CCDC88C: variants seen among roughly 807,000 people sequenced by gnomAD.
CCDC88C encodes coiled-coil and HOOK domain protein 88C, also known as protein Daple.
In CCDC88C, 131 loss-of-function variants were observed where a neutral mutation model predicts 198.8. The ratio of observed to expected loss-of-function variants is 0.66; its 90% CI spans 0.57 to 0.76. CCDC88C has a LOEUF of 0.76. Among genes scored for constraint, CCDC88C ranks in the 30% least tolerant of loss-of-function variants. The pLI, the probability that CCDC88C is intolerant of heterozygous loss-of-function variation, is 0.00. For synonymous variants in CCDC88C, 1,166 were observed against 1,114.7 expected, an observed-to-expected ratio of 1.05 and a Z score of -0.92; for missense variants, 2,553 against 2,631.6, an observed-to-expected ratio of 0.97 and a Z score of 0.65.
chr14:91,320,252 C>G (rs1892302901), intron 13 of CCDC88C, among the ~76,000 whole-genome samples: 1 of 152,166 alleles, frequency 6.6e-6, no homozygotes, highest in African/African-American at 2.4e-5. Context: ...TCCCCTACCT[C>G]CAGGGAGGAG....
At position 91,313,387 on chromosome 14, in the gene CCDC88C, T is replaced by A. The variant is rs367893633; in HGVS notation, c.2429A>T (p.Asn810Ile). The change falls in exon 15 of 30, where the codon AAT becomes ATT. Residue 810 changes from asparagine (N) to isoleucine (I), a missense_variant. By Grantham distance (149) the Asn-to-Ile change is moderately radical. This residue lies in a region of CCDC88C where 1,260 missense variants were observed against 1,412.0 expected (regional missense o/e 0.89). Transcript: ENST00000389857. The surrounding 1 kb of genome is among the most constrained non-coding windows in gnomAD (Gnocchi z 5.2). ...CTTCTCGGCCCCCTCCAACTGTGCATTGGCCAGCCGGAGGGCCTCCAGGTC... is the reference window on the plus strand; with the variant it reads ...CTTCTCGGCCCCCTCCAACTGTGCAATGGCCAGCCGGAGGGCCTCCAGGTC... ...RRDLEALRLANAQLEGAEKDR... is the reference protein window; with the variant it reads ...RRDLEALRLAIAQLEGAEKDR... 14 of 1,609,026 alleles carry A rather than the reference T, an allele frequency of 8.7e-6. No individual in the cohort carries two copies. The African/African-American group carries it at 1.1e-4, about 12-fold the overall frequency.
intron 3 of CCDC88C, among the ~76,000 whole-genome samples, chr14:91,400,675 C>T (rs539817552): frequency 3.3e-5 from 5 of 152,188 alleles, no homozygotes; most frequent in Admixed American, 1.3e-4. Flanking sequence ...AGGACCTCAC[C>T]GCCTGGCAGG....
chr14:91,412,752 A>C (rs1886854988), intron 2 of CCDC88C, among the ~76,000 whole-genome samples: 1 of 152,130 alleles, frequency 6.6e-6, no homozygotes, highest in Non-Finnish European at 1.5e-5. Context: ...ATAATTTTTA[A>C]GGACTCAAAG....
chr14:91,308,982 T>A (rs1459021545), intron 16 of CCDC88C, among the ~76,000 whole-genome samples: 2 of 152,204 alleles, frequency 1.3e-5, no homozygotes, highest in Non-Finnish European at 2.9e-5. Flanking sequence ...ATCCCGGCAC[T>A]TTGGGATGCC....
chr14:91,281,481 C>G lies in CCDC88C; in HGVS notation c.4675G>C (p.Glu1559Gln). ...CCGTACTGCCTGTGGTTGGGGACCT[C>G]AAACTCCAGGGATGGCTCACAGAGG... ...DNLCEPSLEF[E>Q]VPNHRQYVSR... The change falls in exon 27 of 30, where the codon GAG (glutamate) becomes CAG (glutamine). Residue 1559 changes from glutamate (E) to glutamine (Q), a missense_variant. Transcript: ENST00000389857. 1 of 1,613,966 alleles carries G rather than the reference C, an allele frequency of 6.2e-7. No homozygotes were observed. Among genetic ancestry groups the G allele is most frequent in the Non-Finnish European group, 8.5e-7 (1 of 1,179,864 alleles).
At chr14:91,363,280 C>CTTTT (rs1006691437) in intron 3 of CCDC88C, among the ~76,000 whole-genome samples, 1 of 145,890 alleles carries the variant, frequency 6.9e-6, no homozygotes. Context: ...TATTATTTTA[C>CTTTT]TTTTTTTTTT....
intron 22 of CCDC88C, among the ~76,000 whole-genome samples, chr14:91,295,358 A>G (rs913753120): frequency 2.6e-5 from 4 of 152,346 alleles, no homozygotes; most frequent in East Asian, 1.9e-4. Flanking sequence ...AACAAATACC[A>G]TAATAAAGCA....
chr14:91,302,040 A>T (rs1891319191), intron 20 of CCDC88C, among the ~76,000 whole-genome samples: 1 of 152,204 alleles, frequency 6.6e-6, no homozygotes, highest in Admixed American at 6.5e-5. Context: ...CCCCTGAAGG[A>T]TGGAGATCTG....
chr14:91,313,793 TCTCCAGCTGCAGGCCCTGGCTCTCATG>T lies in CCDC88C; in HGVS notation c.1996_2022del (p.His666_Glu674del). 1 of 1,605,602 alleles carries T rather than the reference TCTCCAGCTGCAGGCCCTGGCTCTCATG, an allele frequency of 6.2e-7. No homozygotes were observed. Among genetic ancestry groups the T allele is most frequent in the Non-Finnish European group, 8.5e-7 (1 of 1,178,828 alleles). On this transcript the variant is annotated inframe_deletion, in exon 15 of 30. Transcript: ENST00000389857. This position sits in a 1 kb window ranked among gnomAD's most constrained non-coding sequence, Gnocchi z 5.2. Reference sequence around the variant, plus strand: ...TCCAGAGACTTCCTCAGAGTCCGGTTCTCCAGCTGCAGGCCCTGGCTCTCATGCTCCAGGGCCTCGACTTTCTCGGTG... The same window carrying T: ...TCCAGAGACTTCCTCAGAGTCCGGTTCTCCAGGGCCTCGACTTTCTCGGTG...
intron 2 of CCDC88C, among the ~76,000 whole-genome samples, chr14:91,412,369 G>A (rs1294258529): frequency 6.6e-6 from 1 of 152,004 alleles, no homozygotes; most frequent in East Asian, 1.9e-4. Context: ...TAAAATCACA[G>A]GCAAGTTTTA....
intron 4 of CCDC88C, among the ~76,000 whole-genome samples, chr14:91,353,879 C>T (rs760769752): frequency 3.1e-4 from 47 of 152,228 alleles, no homozygotes; most frequent in Admixed American, 4.6e-4. Flanking sequence ...CATATGCAGT[C>T]GCAGCCCCTC....
At position 91,339,436 on chromosome 14, in the gene CCDC88C, C is replaced by T; in HGVS notation, c.651G>A (p.Arg217=). 1.2e-6 allele frequency: 2 copies of T among 1,607,982 alleles called. No individual in the cohort carries two copies. The highest frequency in any genetic ancestry group is 1.7e-6 in the Non-Finnish European group (2 of 1,175,078). The part of the protein sequence containing the change: ...TELIVDLTQE[R]DYLQAQHPPS... ...GTGGATGCTGTGCCTGCAGGTAGTCCCGTTCCTGAGTGAGGTCCACGATCA... is the reference window on the plus strand; with the variant it reads ...GTGGATGCTGTGCCTGCAGGTAGTCTCGTTCCTGAGTGAGGTCCACGATCA... Residue 217 remains arginine (R), a synonymous_variant, in exon 8 of 30, where the codon CGG becomes CGA. Coordinates refer to ENST00000389857, the MANE Select transcript of CCDC88C (RefSeq NM_001080414.4). The surrounding 1 kb of genome is among the most constrained non-coding windows in gnomAD (Gnocchi z 5.8).
intron 3 of CCDC88C, among the ~76,000 whole-genome samples, chr14:91,391,260 A>AC (rs1251564828): frequency 6.6e-6 from 1 of 151,830 alleles, no homozygotes; most frequent in Non-Finnish European, 1.5e-5. Context: ...AACAAAACAA[A>AC]AAAAAAAACC....
intron 3 of CCDC88C, among the ~76,000 whole-genome samples, chr14:91,406,965 G>T (rs1411277539): frequency 6.6e-6 from 1 of 152,140 alleles, no homozygotes; most frequent in Non-Finnish European, 1.5e-5. Flanking sequence ...AAGGGATGGG[G>T]CTGGTTCTAA....
intron 4 of CCDC88C, among the ~76,000 whole-genome samples, 169 bp downstream of exon 4, chr14:91,359,473 G>A (rs971419160): frequency 5.3e-5 from 8 of 152,190 alleles, no homozygotes; most frequent in Non-Finnish European, 1.0e-4. Context: ...ATGTGCCCTT[G>A]GCTGAATGCC....
chr14:91,394,346 T>C (rs538271464), intron 3 of CCDC88C, among the ~76,000 whole-genome samples: 3 of 152,296 alleles, frequency 2.0e-5, no homozygotes, highest in Admixed American at 6.5e-5. Flanking sequence ...TTTACCCCTG[T>C]TTACCCTCTA....
At chr14:91,345,166 T>TTATATA (rs758438547) in intron 4 of CCDC88C, among the ~76,000 whole-genome samples, 29 of 100,516 alleles carry the variant, frequency 2.9e-4, no homozygotes, top group East Asian at 5.2e-4. Context: ...GAGGTTCAAT[T>TTATATA]TATATATATA....
intron 4 of CCDC88C, among the ~76,000 whole-genome samples, chr14:91,355,024 G>T (rs1369581569): frequency 1.3e-5 from 2 of 152,196 alleles, no homozygotes; most frequent in Non-Finnish European, 2.9e-5. Context: ...CAGAGGGACC[G>T]GCAGGTGCAC....
chr14:91,336,399 A>G (rs1893043678), intron 10 of CCDC88C, among the ~76,000 whole-genome samples: 1 of 152,168 alleles, frequency 6.6e-6, no homozygotes, highest in Non-Finnish European at 1.5e-5. Context: ...GCAGGGTGAG[A>G]TGTGGGAGTC....
Sources: gnomAD v4.1 joint callset for allele counts (sites outside exome capture counted in the v4.1 genomes callset) on GRCh38, gnomAD v4.1.1 for gene constraint, gnomAD v4.1.1 regional missense constraint, Gnocchi (gnomAD v3.1) non-coding constraint, MANE v1.5 for transcripts, NCBI Gene and HGNC (gene_info 2026-07-23, HGNC 2026-07-21) for gene names.